Variants in KCNC2 observed in about 807,000 individuals in gnomAD.
KCNC2 encodes voltage-gated potassium channel KCNC2.
A neutral mutation model predicts 44.5 loss-of-function variants in KCNC2; 21 were observed. The observed-to-expected ratio is 0.47, with a 90% CI of 0.33 to 0.68. KCNC2 has a LOEUF of 0.68. KCNC2 is among the 30% of genes least tolerant of loss of function. KCNC2 has a pLI of 0.01. For missense variants in KCNC2, 589 were observed against 826.2 expected (o/e 0.71, Z 3.52); for synonymous variants, 391 against 339.1 (o/e 1.15, Z -1.68).
intron 2 of KCNC2, among the ~76,000 whole-genome samples, chr12:75,118,544 A>C (rs1262656954): frequency 6.6e-6 from 1 of 151,972 alleles, no homozygotes; most frequent in Non-Finnish European, 1.5e-5. Context: ...CAAGACCTGA[A>C]GCATGCTGGC....
rs375395591 is a variant in KCNC2 at position 75,123,158 on chromosome 12, C to T, written c.688-71841G>A. Among the ~76,000 whole-genome samples the T allele has an allele frequency of 3.4e-4, 52 of 151,984 alleles. 1 individual carries two copies. The South Asian group carries it at 0.011, about 32-fold the overall frequency. Reference sequence around the variant, plus strand: ...AATTTCATTACATAAATTTAAGATGCCACTTTAAGTTTCAGCTTCAAAATC... The same window carrying T: ...AATTTCATTACATAAATTTAAGATGTCACTTTAAGTTTCAGCTTCAAAATC... On this transcript the variant is annotated intron_variant, in intron 2 of 4. Transcript: ENST00000549446.
At chr12:75,069,409 T>G (rs563596694) in intron 2 of KCNC2, among the ~76,000 whole-genome samples, 8 of 152,258 alleles carry the variant, frequency 5.3e-5, no homozygotes, top group Non-Finnish European at 1.0e-4. Flanking sequence ...GTGCTGGGAT[T>G]ACAGGTGTGA....
intron 2 of KCNC2, among the ~76,000 whole-genome samples, chr12:75,206,385 G>C (rs1340202124): frequency 6.6e-6 from 1 of 152,094 alleles, no homozygotes; most frequent in African/African-American, 2.4e-5. Flanking sequence ...AATCATTATT[G>C]GTTACTTTTA....
chr12:75,191,521 A>ATTG lies in KCNC2; in HGVS notation c.687+15775_687+15776insCAA, dbSNP rs1261077584. On this transcript the variant is annotated intron_variant, in intron 2 of 4. Coordinates refer to ENST00000549446, the MANE Select transcript of KCNC2 (RefSeq NM_139137.4). ...TCTGAATATTATTATTATTATTATTATTATTATTTTTTTTTTTTTTTTTTT... is the reference window on the plus strand; with the variant it reads ...TCTGAATATTATTATTATTATTATTATTGTTATTATTTTTTTTTTTTTTTTTTT... 3.1e-4 allele frequency among the ~76,000 whole-genome samples: 16 copies of ATTG among 52,152 alleles called. No individual in the cohort carries two copies. In the Admixed American group the frequency reaches 4.2e-3, roughly 14 times the overall value. The allele number at this position is 52,152 out of a possible 152,430, so 34.2% of individuals were successfully genotyped here. A position where few individuals can be genotyped will look rare whatever the true frequency, so the allele number is the denominator to read the frequency against.
At chr12:75,068,878 T>C (rs1565825534) in intron 2 of KCNC2, among the ~76,000 whole-genome samples, 1 of 152,076 alleles carries the variant, frequency 6.6e-6, no homozygotes, top group South Asian at 2.1e-4. Flanking sequence ...AGTTTTACCA[T>C]AACATCAGGA....
intron 2 of KCNC2, among the ~76,000 whole-genome samples, chr12:75,086,660 C>CAAAAAAAAAA (rs751242858): frequency 8.5e-6 from 1 of 117,014 alleles, no homozygotes; most frequent in African/African-American, 3.1e-5. Flanking sequence ...GTTCATTTGG[C>CAAAAAAAAAA]AAAAAAAAAA....
chr12:75,092,674 A>C (rs1430482676), intron 2 of KCNC2, among the ~76,000 whole-genome samples: 1 of 151,652 alleles, frequency 6.6e-6, no homozygotes, highest in East Asian at 1.9e-4. Flanking sequence ...ACTCTAAACA[A>C]CACAAAAACA....
At chr12:75,074,741 T>C (rs987869510) in intron 2 of KCNC2, among the ~76,000 whole-genome samples, 3 of 152,224 alleles carry the variant, frequency 2.0e-5, no homozygotes, top group African/African-American at 7.2e-5. Flanking sequence ...CCAAACATTA[T>C]ATGATACTGA....
In KCNC2 at chr12:75,054,740, C is replaced by G. The variant is rs147668510; in HGVS notation, c.688-3423G>C. 2.4e-3 allele frequency among the ~76,000 whole-genome samples: 368 copies of G among 152,240 alleles called. 6 individuals are homozygous for G. Among genetic ancestry groups the G allele is most frequent in the Admixed American group, 0.021 (321 of 15,274 alleles). ...TGCCAGGTAATAAGGGGAAATGTAG[C>G]ACCCATGAAAATTCTTGGAGATACT... On this transcript the variant is annotated intron_variant, in intron 2 of 4. Coordinates refer to ENST00000549446, the MANE Select transcript of KCNC2 (RefSeq NM_139137.4).
intron 2 of KCNC2, among the ~76,000 whole-genome samples, chr12:75,070,962 A>T (rs965876978): frequency 3.9e-5 from 6 of 152,074 alleles, no homozygotes; most frequent in African/African-American, 1.4e-4. Flanking sequence ...TTTCACATTA[A>T]ATCTTTTATT....
chr12:75,082,378 A>G, intron 2 of KCNC2, among the ~76,000 whole-genome samples: 1 of 151,920 alleles, frequency 6.6e-6, no homozygotes, highest in East Asian at 1.9e-4. Context: ...TGTTAATCAA[A>G]TGCATATATG....
chr12:75,045,505 T>C (rs959730995), intron 4 of KCNC2, among the ~76,000 whole-genome samples: 1 of 151,986 alleles, frequency 6.6e-6, no homozygotes, highest in Non-Finnish European at 1.5e-5. Flanking sequence ...ATTCTACATG[T>C]TCATTTATGA....
intron 2 of KCNC2, among the ~76,000 whole-genome samples, chr12:75,198,240 A>G (rs1244951968): frequency 6.6e-6 from 1 of 151,956 alleles, no homozygotes; most frequent in Non-Finnish European, 1.5e-5. Context: ...GCATAAGCAT[A>G]CAGCATACAC....
At chr12:75,071,267 TA>T (rs1035418222) in intron 2 of KCNC2, among the ~76,000 whole-genome samples, 6 of 151,882 alleles carry the variant, frequency 4.0e-5, no homozygotes, top group African/African-American at 7.3e-5. Context: ...TGGTAGCAAT[TA>T]AAAAAAACCC....
chr12:75,074,288 G>A (rs1235571921), intron 2 of KCNC2, among the ~76,000 whole-genome samples: 1 of 108,546 alleles, frequency 9.2e-6, no homozygotes, highest in Non-Finnish European at 1.8e-5. Flanking sequence ...TTGAAATTCT[G>A]CAAAACTCAC....
At chr12:75,043,695 C>G (rs1335526736) in intron 4 of KCNC2, 2 of 1,385,164 alleles carry the variant, frequency 1.4e-6, no homozygotes, top group South Asian at 3.4e-5. Flanking sequence ...TTTAAATGGA[C>G]AACTCTTTTT....
At position 75,050,763 on chromosome 12, in the gene KCNC2, T is replaced by C. The variant is rs200960771; in HGVS notation, c.1242A>G (p.Ser414=). The C allele has an allele frequency of 1.4e-5, 22 of 1,613,316 alleles. No homozygotes were observed. Among genetic ancestry groups the C allele is most frequent in the Non-Finnish European group, 1.8e-5 (21 of 1,179,846 alleles). The part of the protein sequence containing the change: ...ERVGAQPNDP[S]ASEHTQFKNI... ...TTTTGAACTGTGTGTGCTCACTAGC[T>C]GAAGGGTCGTTAGGTTGAGCTCCCA... Residue 414 remains serine (S), a synonymous_variant, in exon 3 of 5, where the codon TCA becomes TCG. Transcript: ENST00000549446.
chr12:75,174,707 T>C (rs906226500), intron 2 of KCNC2, among the ~76,000 whole-genome samples: 1 of 151,840 alleles, frequency 6.6e-6, no homozygotes, highest in Non-Finnish European at 1.5e-5. Context: ...GTCTTCTGAG[T>C]TGTAAGAAGA....
intron 2 of KCNC2, among the ~76,000 whole-genome samples, chr12:75,108,847 AT>A (rs1388203104): frequency 7.9e-5 from 12 of 152,190 alleles, no homozygotes; most frequent in African/African-American, 2.4e-4. Flanking sequence ...AAACACAGCA[AT>A]TCAACTTTAT....
Sources: allele counts gnomAD v4.1 joint callset (sites outside exome capture counted in the v4.1 genomes callset), GRCh38; gene constraint gnomAD v4.1.1; transcripts MANE v1.5; gene names NCBI Gene and HGNC (gene_info 2026-07-23, HGNC 2026-07-21).